Variants in CHRM5 observed in about 807,000 individuals in gnomAD.
The protein encoded by CHRM5 is cholinergic receptor muscarinic 5, also known as muscarinic acetylcholine receptor M5.
Under a neutral mutation model 39.0 loss-of-function variants are expected in CHRM5, and 18 were observed. The ratio of observed to expected loss-of-function variants is 0.46; its 90% CI spans 0.32 to 0.68. CHRM5 has a LOEUF of 0.68. Ranked by LOEUF, CHRM5 falls within the 30% of genes least tolerant of loss-of-function variation. CHRM5 has a pLI of 0.04. For synonymous variants in CHRM5, 241 were observed against 246.3 expected (o/e 0.98, Z 0.20); for missense variants, 515 against 651.1 (o/e 0.79, Z 2.28).
chr15:34,030,571 ACCCGC>A (rs1338944849), intron 1 of CHRM5, among the ~76,000 whole-genome samples: 1 of 150,956 alleles, frequency 6.6e-6, no homozygotes, highest in Non-Finnish European at 1.5e-5. Context: ...CTTGTGATCC[ACCCGC>A]CTCAGCCTCC....
intron 1 of CHRM5, among the ~76,000 whole-genome samples, chr15:34,020,222 A>T (rs556733519): frequency 6.6e-6 from 1 of 152,082 alleles, no homozygotes; most frequent in African/African-American, 2.4e-5. Context: ...GAGGCAGGAG[A>T]ATGGCGTGAA....
chr15:34,017,003 T>A (rs547463259), intron 1 of CHRM5, among the ~76,000 whole-genome samples: 1 of 94,620 alleles, frequency 1.1e-5, no homozygotes, highest in African/African-American at 2.6e-5. Context: ...TGGTGGCACA[T>A]CCCTGTAGTC....
At chr15:34,014,418 A>G (rs993870909) in intron 1 of CHRM5, among the ~76,000 whole-genome samples, 1 of 150,026 alleles carries the variant, frequency 6.7e-6, no homozygotes, top group Non-Finnish European at 1.5e-5. Context: ...GATTCTGGGA[A>G]GATGGCAGCA....
chr15:34,009,463 CAT>C (rs1041119066), intron 1 of CHRM5, among the ~76,000 whole-genome samples: 6 of 152,100 alleles, frequency 3.9e-5, no homozygotes, highest in African/African-American at 1.4e-4. Flanking sequence ...GGGCCTATAA[CAT>C]AGATTTTTTT....
At chr15:33,998,510 C>T (rs1457312574) in intron 1 of CHRM5, among the ~76,000 whole-genome samples, 5 of 152,108 alleles carry the variant, frequency 3.3e-5, no homozygotes, top group African/African-American at 1.2e-4. Flanking sequence ...CTCACTTCTC[C>T]CACCAGCCCA....
chr15:34,006,672 T>C lies in CHRM5; in HGVS notation c.-408+37522T>C, dbSNP rs542449067. 3.9e-5 allele frequency among the ~76,000 whole-genome samples: 6 copies of C among 152,322 alleles called. No homozygotes were observed. The South Asian group carries it at 1.2e-3, about 32-fold the overall frequency. On this transcript the variant is annotated intron_variant, in intron 1 of 2. Coordinates refer to ENST00000383263, the MANE Select transcript of CHRM5 (RefSeq NM_012125.4). The stretch of plus-strand genomic sequence containing the variant: ...TATAATAGGCTGATCCTTATGCATA[T>C]GAATAACTCACCAGTCCCCAAATTA...
chr15:34,031,546 CA>C (rs1898826458), intron 1 of CHRM5, among the ~76,000 whole-genome samples: 1 of 152,126 alleles, frequency 6.6e-6, no homozygotes, highest in Non-Finnish European at 1.5e-5. Context: ...AAATATGGAT[CA>C]GACAGATTCG....
At chr15:33,989,879 T>A (rs1350541859) in intron 1 of CHRM5, among the ~76,000 whole-genome samples, 1 of 150,282 alleles carries the variant, frequency 6.7e-6, no homozygotes, top group Non-Finnish European at 1.5e-5. Context: ...CAATAGCAAT[T>A]GAGACGGATA....
intron 1 of CHRM5, chr15:33,992,062 A>T (rs1896745868): frequency 6.6e-6 from 1 of 152,292 alleles, no homozygotes; most frequent in Non-Finnish European, 1.5e-5. Context: ...TTTAGCACAC[A>T]AATTCTGCTC....
intron 1 of CHRM5, among the ~76,000 whole-genome samples, chr15:33,978,444 A>T (rs1307846680): frequency 6.6e-6 from 1 of 152,146 alleles, no homozygotes. Flanking sequence ...TGGGAGGATC[A>T]CCTGAGGTCA....
chr15:34,027,502 C>T (rs2140744307), intron 1 of CHRM5, among the ~76,000 whole-genome samples: 1 of 145,178 alleles, frequency 6.9e-6, no homozygotes, highest in African/African-American at 2.5e-5. Flanking sequence ...GCACTCCAGC[C>T]TGGATGACAA....
chr15:34,009,506 CAGG>C (rs1897545378), intron 1 of CHRM5, among the ~76,000 whole-genome samples: 1 of 151,976 alleles, frequency 6.6e-6, no homozygotes, highest in Non-Finnish European at 1.5e-5. Context: ...CAGCTGTCTA[CAGG>C]AGATTCACTT....
At chr15:34,016,487 A>AT (rs1229934250) in intron 1 of CHRM5, among the ~76,000 whole-genome samples, 1 of 151,710 alleles carries the variant, frequency 6.6e-6, no homozygotes, top group African/African-American at 2.4e-5. Context: ...TTTTTCTTAC[A>AT]AATTTCCCCC....
chr15:34,020,008 A>G (rs1359958601), intron 1 of CHRM5, among the ~76,000 whole-genome samples: 1 of 152,220 alleles, frequency 6.6e-6, no homozygotes, highest in Non-Finnish European at 1.5e-5. Context: ...CACCTTTTCC[A>G]TGCCTCAAAA....
In CHRM5 at chr15:34,067,120, G is replaced by C. The variant is rs1479367820; in HGVS notation, c.*2804G>C. 6.6e-6 allele frequency: 1 copy of C among 152,304 alleles called. No homozygotes were observed. The highest frequency in any genetic ancestry group is 1.9e-4 in the East Asian group (1 of 5,178). The allele number at this position is 152,304 out of a possible 1,614,324, so 9.4% of individuals were successfully genotyped here. The stretch of plus-strand genomic sequence containing the variant: ...AGTAAACCATGTATGACTTTGGCTA[G>C]TTACCTACTGGATGCTGTTACTTTG... On this transcript the variant is annotated 3_prime_UTR_variant, in exon 3 of 3. Transcript: ENST00000383263.
intron 1 of CHRM5, chr15:34,003,276 A>G: frequency 6.9e-7 from 1 of 1,439,004 alleles, no homozygotes; most frequent in Non-Finnish European, 9.5e-7. Flanking sequence ...ACTTCCCAGT[A>G]AAACAAAAAA....
intron 2 of CHRM5, among the ~76,000 whole-genome samples, chr15:34,052,866 A>G (rs1400564409): frequency 6.6e-6 from 1 of 152,174 alleles, no homozygotes; most frequent in Non-Finnish European, 1.5e-5. Flanking sequence ...AAATGGAAAA[A>G]CATCCCATGC....
At chr15:33,999,433 C>A (rs1406000821) in intron 1 of CHRM5, among the ~76,000 whole-genome samples, 2 of 152,094 alleles carry the variant, frequency 1.3e-5, no homozygotes, top group Non-Finnish European at 2.9e-5. Context: ...AGTGTGCCAG[C>A]CATTTATTAA....
intron 2 of CHRM5, among the ~76,000 whole-genome samples, chr15:34,060,338 G>A (rs1169962153): frequency 6.6e-6 from 1 of 152,172 alleles, no homozygotes. Flanking sequence ...GGGAAGATGG[G>A]AGAATCTGGT....
Sources: gnomAD v4.1 joint callset for allele counts (sites outside exome capture counted in the v4.1 genomes callset) on GRCh38, gnomAD v4.1.1 for gene constraint, MANE v1.5 for transcripts, NCBI Gene and HGNC (gene_info 2026-07-23, HGNC 2026-07-21) for gene names.